The following GRIP1 variants were observed in gnomAD, a reference collection of about 807,000 sequenced individuals.
GRIP1 encodes glutamate receptor interacting protein 1.
In GRIP1, 45 loss-of-function variants were observed where a neutral mutation model predicts 129.9. That is an observed-to-expected ratio of 0.35 (90% CI 0.27 to 0.44). The LOEUF (loss-of-function observed/expected upper bound fraction) is 0.44. Ranked by LOEUF, GRIP1 falls within the 20% of genes least tolerant of loss-of-function variation. GRIP1 has a pLI of 1.00. For synonymous variants in GRIP1, 530 were observed against 520.8 expected, an observed-to-expected ratio of 1.02 and a Z score of -0.24; for missense variants, 1,196 against 1,396.8, an observed-to-expected ratio of 0.86 and a Z score of 2.29.
intron 2 of GRIP1, among the ~76,000 whole-genome samples, chr12:66,559,080 T>C (rs746001541): frequency 1.3e-5 from 2 of 151,572 alleles, no homozygotes; most frequent in African/African-American, 2.4e-5. Context: ...AAAAACCACA[T>C]GATCATCTCA....
intron 1 of GRIP1, among the ~76,000 whole-genome samples, chr12:66,977,130 GGT>G (rs2042163821): frequency 6.6e-6 from 1 of 151,534 alleles, no homozygotes; most frequent in South Asian, 2.1e-4. Flanking sequence ...CATCAATTTT[GGT>G]GTAATTATGA....
intron 1 of GRIP1, among the ~76,000 whole-genome samples, chr12:66,942,778 T>A (rs117480581): frequency 0.028 from 4,310 of 152,262 alleles, 91 homozygotes; most frequent in Non-Finnish European, 0.047. Flanking sequence ...TGGCATGGTA[T>A]TAGGAGGCGG....
rs575983688 is a variant in GRIP1, at chr12:66,463,041, T to C, written c.925A>G (p.Met309Val). ...GCTTCTGCAAGTGTACAGTACTCCATGCTGGTTCCATCGATGGAGAGGATG... is the reference window on the plus strand; with the variant it reads ...GCTTCTGCAAGTGTACAGTACTCCACGCTGGTTCCATCGATGGAGAGGATG... ...DHILSIDGTS[M>V]EYCTLAEATQ... The change falls in exon 9 of 25, where the codon ATG becomes GTG. Residue 309 changes from methionine (M) to valine (V), a missense_variant. By Grantham distance (21) the Met-to-Val change is conservative (BLOSUM62 1). Around this residue, in one of 5 missense-constraint regions of GRIP1, gnomAD observed 508 missense variants for 587.0 expected, o/e 0.87. Transcript: ENST00000359742. 5.0e-6 allele frequency: 8 copies of C among 1,614,002 alleles called. No homozygotes were observed. The East Asian group carries it at 6.7e-5, about 13-fold the overall frequency.
At chr12:67,023,268 C>T (rs1192031123) in intron 1 of GRIP1, among the ~76,000 whole-genome samples, 2 of 152,102 alleles carry the variant, frequency 1.3e-5, no homozygotes, top group South Asian at 4.1e-4. Flanking sequence ...TTAGATTTTA[C>T]ATTTAAGTCT....
chr12:66,858,912 G>A (rs1412981070), intron 1 of GRIP1, among the ~76,000 whole-genome samples: 1 of 151,754 alleles, frequency 6.6e-6, no homozygotes, highest in Non-Finnish European at 1.5e-5. Flanking sequence ...GTTGGTTATG[G>A]GAAAATTTTG....
chr12:66,515,752 G>A lies in GRIP1; in HGVS notation c.591C>T (p.Ile197=), dbSNP rs1226736008. The change falls in exon 7 of 25, where the codon ATC becomes ATT. Residue 197 remains isoleucine (I), a synonymous_variant. Coordinates refer to ENST00000359742, the MANE Select transcript of GRIP1 (RefSeq NM_001366722.1). The stretch of plus-strand genomic sequence containing the variant: ...CACTGAGCAACCTGTCACCGGGTTT[G>A]ATCGTGCCCTCTCTGAAGGGAGAAT... ...PGGPADREGT[I]KPGDRLLSVD... 1 of 1,613,570 alleles carries A rather than the reference G, an allele frequency of 6.2e-7. No homozygotes were observed. Among genetic ancestry groups the A allele is most frequent in the East Asian group, 2.2e-5 (1 of 44,876 alleles).
chr12:66,595,225 A>T (rs544803090), intron 2 of GRIP1, among the ~76,000 whole-genome samples: 1 of 152,338 alleles, frequency 6.6e-6, no homozygotes, highest in East Asian at 1.9e-4. Flanking sequence ...CATAAAGAGA[A>T]GGAAAAAACA....
At chr12:66,680,558 A>G (rs1267709654), upstream of GRIP1, among the ~76,000 whole-genome samples, 1 of 152,152 alleles carries the variant, frequency 6.6e-6, no homozygotes, top group African/African-American at 2.4e-5. Flanking sequence ...ATTAGCATAA[A>G]TCTTTCTTTG....
At chr12:66,388,499 T>C (rs1270053474) in intron 19 of GRIP1, among the ~76,000 whole-genome samples, 1 of 152,184 alleles carries the variant, frequency 6.6e-6, no homozygotes, top group Non-Finnish European at 1.5e-5. Context: ...TGACCTTTGC[T>C]AAATCCAAGT....
chr12:66,405,039 G>GAAAC lies in GRIP1; in HGVS notation c.1984+1240_1984+1243dup, dbSNP rs1166499683. Among the ~76,000 whole-genome samples, 5 of 152,014 alleles carry GAAAC rather than the reference G, an allele frequency of 3.3e-5. No individual in the cohort carries two copies. In the East Asian group the frequency reaches 5.8e-4, roughly 18 times the overall value. On this transcript the variant is annotated intron_variant, in intron 16 of 24. Coordinates refer to ENST00000359742, the MANE Select transcript of GRIP1 (RefSeq NM_001366722.1). ...AGCCTGGGTGTGCCACACAAAACAA[G>GAAAC]AAACAAACAAACAAAACATCTACTG...
chr12:66,938,692 C>G (rs1362980260), intron 1 of GRIP1, among the ~76,000 whole-genome samples: 1 of 152,110 alleles, frequency 6.6e-6, no homozygotes, highest in Non-Finnish European at 1.5e-5. Flanking sequence ...GGCATAGTGG[C>G]TCATGCCTGT....
chr12:66,577,402 G>A (rs1408665287), intron 2 of GRIP1, among the ~76,000 whole-genome samples: 1 of 152,198 alleles, frequency 6.6e-6, no homozygotes, highest in Non-Finnish European at 1.5e-5. Flanking sequence ...AATAGTGAAA[G>A]TAGAACACAA....
At chr12:66,407,194 C>T (rs1187692515) in intron 15 of GRIP1, among the ~76,000 whole-genome samples, 2 of 152,042 alleles carry the variant, frequency 1.3e-5, no homozygotes, top group African/African-American at 4.8e-5. Context: ...TTTTAAGTTA[C>T]CCTCTAAAAA....
chr12:66,491,855 A>T (rs958375796), intron 7 of GRIP1, among the ~76,000 whole-genome samples: 4 of 152,232 alleles, frequency 2.6e-5, no homozygotes, highest in Non-Finnish European at 4.4e-5. Context: ...TATATTACAC[A>T]TGGTGGCTGC....
intron 1 of GRIP1, among the ~76,000 whole-genome samples, chr12:66,785,418 A>AG (rs1426550389): frequency 6.8e-6 from 1 of 148,052 alleles, no homozygotes; most frequent in Non-Finnish European, 1.5e-5. Context: ...AGGCTGACAC[A>AG]GGGGGATCAC....
At chr12:66,505,323 C>T (rs755610177) in intron 7 of GRIP1, among the ~76,000 whole-genome samples, 5 of 152,070 alleles carry the variant, frequency 3.3e-5, no homozygotes, top group African/African-American at 9.7e-5. Context: ...CTAGGAACAG[C>T]GAATGATTCC....
At chr12:66,933,958 A>C (rs1349321530) in intron 1 of GRIP1, among the ~76,000 whole-genome samples, 4 of 151,996 alleles carry the variant, frequency 2.6e-5, no homozygotes, top group Non-Finnish European at 5.9e-5. Flanking sequence ...TCTTTTTTTA[A>C]TTCCTAACTC....
At chr12:66,896,680 G>A (rs1007576329) in intron 1 of GRIP1, among the ~76,000 whole-genome samples, 8 of 152,274 alleles carry the variant, frequency 5.3e-5, no homozygotes, top group African/African-American at 1.9e-4. Flanking sequence ...AGAAAGATGT[G>A]AAGGGGTTAA....
chr12:66,882,481 T>C (rs1232259933), intron 1 of GRIP1, among the ~76,000 whole-genome samples: 1 of 152,196 alleles, frequency 6.6e-6, no homozygotes, highest in African/African-American at 2.4e-5. Flanking sequence ...TTTTAGCCAA[T>C]TAAACAGCTC....
Sources: gnomAD v4.1 joint callset for allele counts (sites outside exome capture counted in the v4.1 genomes callset) on GRCh38, gnomAD v4.1.1 for gene constraint, gnomAD v4.1.1 regional missense constraint, MANE v1.5 for transcripts, NCBI Gene and HGNC (gene_info 2026-07-23, HGNC 2026-07-21) for gene names.